ARHGAP21: variants seen among roughly 807,000 people sequenced by gnomAD.
The protein encoded by ARHGAP21 is rho GTPase-activating protein 21.
Under a neutral mutation model 164.6 loss-of-function variants are expected in ARHGAP21, and 38 were observed. The observed-to-expected ratio is 0.23, with a 90% CI of 0.18 to 0.30. The LOEUF is 0.30. Ranked by LOEUF, ARHGAP21 falls within the 10% of genes least tolerant of loss-of-function variation. The probability of loss-of-function intolerance (pLI) is 1.00; values close to 1 mark genes in which losing one functional copy is unlikely to be tolerated. For missense variants in ARHGAP21, 1,822 were observed against 2,370.7 expected (o/e 0.77, Z 4.81); for synonymous variants, 766 against 857.9 (o/e 0.89, Z 1.87).
chr10:24,660,297 T>A lies in ARHGAP21; in HGVS notation c.268+6688A>T, dbSNP rs189954208. Among the ~76,000 whole-genome samples, 10 of 135,590 alleles carry A rather than the reference T, an allele frequency of 7.4e-5. No homozygotes were observed. The Admixed American group carries it at 7.7e-4, about 10-fold the overall frequency. The allele number at this position is 135,590 out of a possible 152,430, so 89.0% of individuals were successfully genotyped here. A position where few individuals can be genotyped will look rare whatever the true frequency, so the allele number is the denominator to read the frequency against. ...TACTTAGGAAGCTGAGGCAGGAGGA[T>A]CACTTGAGCTCATGAATTTGAGGCT... On this transcript the variant is annotated intron_variant, in intron 4 of 25. Coordinates refer to ENST00000396432, the MANE Select transcript of ARHGAP21 (RefSeq NM_020824.4).
At chr10:24,622,979 G>A (rs1834730741) in intron 7 of ARHGAP21, 9 of 491,508 alleles carry the variant, frequency 1.8e-5, no homozygotes, top group Non-Finnish European at 2.9e-5. Flanking sequence ...CTTGTTTGAT[G>A]TGTCTACCAT....
rs1834330965 is a variant in ARHGAP21 at position 24,619,489 on chromosome 10, A to G, written c.2406T>C (p.Ala802=). The change falls in exon 9 of 26, where the codon GCT becomes GCC. Residue 802 remains alanine, a synonymous_variant. Transcript: ENST00000396432. ...SSTSPPGDSL[A]SIPFIDEPTS... Reference sequence around the variant, plus strand: ...TGAGCTCACCTATAAATGGGATGGAAGCCAAAGAATCGCCAGGCGGACTGG... The same window carrying G: ...TGAGCTCACCTATAAATGGGATGGAGGCCAAAGAATCGCCAGGCGGACTGG... 6.2e-7 allele frequency: 1 copy of G among 1,613,858 alleles called. No individual in the cohort carries two copies. Among genetic ancestry groups the G allele is most frequent in the Admixed American group, 1.7e-5 (1 of 59,974 alleles).
In ARHGAP21 at chr10:24,719,042, A is replaced by G. The variant is rs2132327721; in HGVS notation, c.63+2795T>C. On this transcript the variant is annotated intron_variant, in intron 2 of 25. Transcript: ENST00000396432. ...GAGGATTCAACAGAAGAATCTATAT[A>G]AAGTGATTTTGTGAGCAAAGTTACT... Among the ~76,000 whole-genome samples the G allele has an allele frequency of 2.0e-5, 3 of 152,132 alleles. No individual in the cohort carries two copies. In the East Asian group the frequency reaches 5.8e-4, roughly 29 times the overall value.
chr10:24,607,650 G>A (rs1429142911), intron 10 of ARHGAP21, 49 bp from the exon 11 acceptor site: 4 of 1,610,158 alleles, frequency 2.5e-6, no homozygotes, highest in Non-Finnish European at 3.4e-6. Flanking sequence ...GTGGTTCCCA[G>A]ATTCTTTTAA....
intron 21 of ARHGAP21, 135 bp downstream of exon 21, chr10:24,594,815 C>T: frequency 1.7e-6 from 1 of 587,178 alleles, no homozygotes. Context: ...CTTTTAAAAA[C>T]AATTTTAAGA....
intron 2 of ARHGAP21, among the ~76,000 whole-genome samples, chr10:24,702,947 A>C (rs2132140200): frequency 6.6e-6 from 1 of 152,364 alleles, no homozygotes; most frequent in Non-Finnish European, 1.5e-5. Context: ...GAAGCAATTT[A>C]AATGTTCAAC....
At chr10:24,624,142 A>G (rs1038064719) in intron 7 of ARHGAP21, among the ~76,000 whole-genome samples, 9 of 152,166 alleles carry the variant, frequency 5.9e-5, no homozygotes, top group African/African-American at 1.9e-4. Flanking sequence ...AACAGTGAAC[A>G]TCTCACACAT....
intron 2 of ARHGAP21, among the ~76,000 whole-genome samples, chr10:24,695,855 C>A (rs1262545944): frequency 2.0e-5 from 3 of 152,176 alleles, no homozygotes; most frequent in Non-Finnish European, 2.9e-5. Flanking sequence ...ATCCTGAAAG[C>A]AGACCCTTCC....
chr10:24,708,359 C>T (rs1054007717), intron 2 of ARHGAP21, among the ~76,000 whole-genome samples: 7 of 152,202 alleles, frequency 4.6e-5, no homozygotes, highest in South Asian at 2.1e-4. Flanking sequence ...AACTGACTTG[C>T]TAGACCAACC....
At chr10:24,591,084 A>C in intron 24 of ARHGAP21, 141 bp downstream of exon 24, 3 of 978,926 alleles carry the variant, frequency 3.1e-6, no homozygotes, top group Non-Finnish European at 4.3e-6. Flanking sequence ...TGGAAAAGGA[A>C]GATTAAGGTT....
intron 4 of ARHGAP21, among the ~76,000 whole-genome samples, chr10:24,659,854 T>C (rs958917620): frequency 6.6e-6 from 1 of 152,224 alleles, no homozygotes; most frequent in South Asian, 2.1e-4. Flanking sequence ...AGAGACTGCC[T>C]GAGTTGTAGT....
At chr10:24,603,465 G>A (rs969519769) in intron 12 of ARHGAP21, among the ~76,000 whole-genome samples, 14 of 152,098 alleles carry the variant, frequency 9.2e-5, no homozygotes, top group African/African-American at 2.9e-4. Flanking sequence ...AAGGAGTAGT[G>A]AATAAAGCAG....
At chr10:24,657,059 G>C (rs1373370092) in intron 4 of ARHGAP21, among the ~76,000 whole-genome samples, 7 of 54,610 alleles carry the variant, frequency 1.3e-4, no homozygotes, top group Non-Finnish European at 2.2e-4. Flanking sequence ...CGCCCCGTCC[G>C]GGAGGGAGGT....
At chr10:24,610,188 C>G (rs1342231262) in intron 9 of ARHGAP21, among the ~76,000 whole-genome samples, 1 of 152,130 alleles carries the variant, frequency 6.6e-6, no homozygotes, top group Non-Finnish European at 1.5e-5. Flanking sequence ...ACCAGCCTGG[C>G]CAACATGGCA....
chr10:24,622,805 A>G (rs1331459710), intron 7 of ARHGAP21, 43 bp from the exon 8 acceptor site: 1 of 1,577,850 alleles, frequency 6.3e-7, no homozygotes, highest in Non-Finnish European at 8.6e-7. Context: ...GCTTACTGAT[A>G]TAAAGACAAA....
chr10:24,703,674 T>C (rs1228762946), intron 2 of ARHGAP21, among the ~76,000 whole-genome samples: 1 of 152,190 alleles, frequency 6.6e-6, no homozygotes, highest in Non-Finnish European at 1.5e-5. Context: ...CCACTTCCCA[T>C]GGTATCATTT....
chr10:24,586,106 C>T lies in ARHGAP21; in HGVS notation c.4183G>A (p.Gly1395Ser). The change falls in exon 26 of 26, where the codon GGT (glycine) becomes AGT (serine). Residue 1395 changes from glycine (G) to serine (S), a missense_variant and splice_region_variant. Gly to Ser is a moderately conservative substitution (Grantham distance 56, BLOSUM62 0). This residue lies in a region of ARHGAP21 where 333 missense variants were observed against 383.9 expected (regional missense o/e 0.87). Coordinates refer to ENST00000396432, the MANE Select transcript of ARHGAP21 (RefSeq NM_020824.4). ...SATSDSTKSK[G>S]SWGSGKDQYS... ...TGATCCTTTCCAGATCCCCAAGAAC[C>T]CTGGGAAGCAAGAGAGAAGAAAGAC... is the stretch of plus-strand genomic sequence containing the variant. The T allele has an allele frequency of 1.3e-6, 2 of 1,570,390 alleles. No homozygotes were observed. The highest frequency in any genetic ancestry group is 1.7e-6 in the Non-Finnish European group (2 of 1,163,104).
At chr10:24,608,045 GTC>G (rs1310785903) in intron 9 of ARHGAP21, 142 bp from the exon 10 acceptor site, 1 of 651,686 alleles carries the variant, frequency 1.5e-6, no homozygotes, top group Non-Finnish European at 2.4e-6. Context: ...GACCTATTCA[GTC>G]TGCTAAAAAT....
In ARHGAP21 at chr10:24,584,871, C is replaced by T. The variant is rs778611858; in HGVS notation, c.5418G>A (p.Gly1806=). The T allele has an allele frequency of 1.2e-5, 20 of 1,613,794 alleles. No homozygotes were observed. The highest frequency in any genetic ancestry group is 1.1e-4 in the South Asian group (10 of 91,072). Residue 1806 remains glycine (G), a synonymous_variant, in exon 26 of 26, where the codon GGG becomes GGA. Transcript: ENST00000396432. Reference sequence around the variant, plus strand: ...CGCTGATTTCGGTAGCATCTCTGTGCCCTCCTAGTGTATGTCTGCGCCGGA... The same window carrying T: ...CGCTGATTTCGGTAGCATCTCTGTGTCCTCCTAGTGTATGTCTGCGCCGGA... ...KSIRRRHTLG[G]HRDATEISVL... is the part of the protein sequence containing the mutation.
Sources: gnomAD v4.1 joint callset for allele counts (sites outside exome capture counted in the v4.1 genomes callset) on GRCh38, gnomAD v4.1.1 for gene constraint, gnomAD v4.1.1 regional missense constraint, MANE v1.5 for transcripts, NCBI Gene and HGNC (gene_info 2026-07-23, HGNC 2026-07-21) for gene names.